DSCAM: variants seen among roughly 807,000 people sequenced by gnomAD.
DSCAM encodes the protein cell adhesion molecule DSCAM.
In DSCAM, 47 loss-of-function variants were observed where a neutral mutation model predicts 217.7. The observed-to-expected ratio is 0.22, with a 90% CI of 0.17 to 0.28. DSCAM has a LOEUF of 0.28. Ranked by LOEUF, DSCAM falls within the 10% of genes least tolerant of loss-of-function variation. The pLI is 1.00. For missense variants in DSCAM, 2,080 were observed against 2,618.3 expected, an observed-to-expected ratio of 0.79 and a Z score of 4.49; for synonymous variants, 1,056 against 1,015.3, an observed-to-expected ratio of 1.04 and a Z score of -0.76.
At chr21:40,371,357 A>T (rs979338897) in intron 3 of DSCAM, among the ~76,000 whole-genome samples, 1 of 152,142 alleles carries the variant, frequency 6.6e-6, no homozygotes, top group East Asian at 1.9e-4. Flanking sequence ...TATATTTTGC[A>T]TACTTACATA....
At chr21:40,763,672 T>C (rs1434506635) in intron 1 of DSCAM, among the ~76,000 whole-genome samples, 1 of 152,222 alleles carries the variant, frequency 6.6e-6, no homozygotes, top group East Asian at 1.9e-4. Context: ...GCTGGAGGCA[T>C]CATGCTACCT....
chr21:40,282,713 G>T (rs570620603), intron 10 of DSCAM, among the ~76,000 whole-genome samples: 1 of 148,758 alleles, frequency 6.7e-6, no homozygotes, highest in African/African-American at 2.5e-5. Flanking sequence ...AAATTTACAT[G>T]AATATCCATG....
Position 40,079,998 on chromosome 21 carries a change from CCT to C in DSCAM, c.4420+152_4420+153del, listed in dbSNP as rs571557180. On this transcript the variant is annotated intron_variant, in intron 25 of 32. Coordinates refer to ENST00000400454, the MANE Select transcript of DSCAM (RefSeq NM_001389.5). ...GAACACTCTGGAAGGTCCAGCTGTC[CCT>C]CTCATTATGCCGTGGCACTGCTGAA... 1.5e-4 allele frequency among the ~76,000 whole-genome samples: 23 copies of C among 152,074 alleles called. No homozygotes were observed. The South Asian group carries it at 3.7e-3, about 25-fold the overall frequency.
In DSCAM at chr21:40,648,083, A is replaced by G. The variant is rs2089969397; in HGVS notation, c.508+44727T>C. ...GAGAAAGAAAGCAGTTGTAGTTCAC[A>G]TACTTGCAAAATTTGGAAAAGTAAA... On this transcript the variant is annotated intron_variant, in intron 3 of 32. Transcript: ENST00000400454. Among the ~76,000 whole-genome samples the G allele has an allele frequency of 2.9e-5, 4 of 137,746 alleles. No homozygotes were observed. The South Asian group carries it at 9.9e-4, about 34-fold the overall frequency. The allele number at this position is 137,746 out of a possible 152,430, so 90.4% of individuals were successfully genotyped here.
chr21:40,417,069 G>A (rs2075379022), intron 3 of DSCAM, among the ~76,000 whole-genome samples: 2 of 152,056 alleles, frequency 1.3e-5, no homozygotes, highest in Admixed American at 1.3e-4. Context: ...TAACTCTGAC[G>A]TCCATATTTG....
chr21:40,623,872 G>C (rs1406330351), intron 3 of DSCAM, among the ~76,000 whole-genome samples: 1 of 152,160 alleles, frequency 6.6e-6, no homozygotes, highest in African/African-American at 2.4e-5. Flanking sequence ...TGCTGTAAAA[G>C]CTTACCCATA....
chr21:40,389,798 C>T (rs1355411371), intron 3 of DSCAM, among the ~76,000 whole-genome samples: 1 of 152,180 alleles, frequency 6.6e-6, no homozygotes, highest in Non-Finnish European at 1.5e-5. Context: ...GGCCATGCCA[C>T]GTGTTCATGC....
At position 40,620,034 on chromosome 21, in the gene DSCAM, GAGAA is replaced by G. The variant is rs1276476550; in HGVS notation, c.508+72772_508+72775del. On this transcript the variant is annotated intron_variant, in intron 3 of 32. Transcript: ENST00000400454. The stretch of plus-strand genomic sequence containing the variant: ...AAAAAGAAAAAGAAAGAAAGAGAGA[GAGAA>G]AGAGAGAGAAAAAAGAAAAAGAAAG... 2.6e-3 allele frequency among the ~76,000 whole-genome samples: 283 copies of G among 108,186 alleles called. 19 individuals carry two copies. The highest frequency in any genetic ancestry group is 0.01 in the African/African-American group (269 of 26,818). The allele number at this position is 108,186 out of a possible 152,430, so 71.0% of individuals were successfully genotyped here. A position where few individuals can be genotyped will look rare whatever the true frequency, so the allele number is the denominator to read the frequency against.
At chr21:40,487,881 A>C (rs1325402898) in intron 3 of DSCAM, among the ~76,000 whole-genome samples, 1 of 152,220 alleles carries the variant, frequency 6.6e-6, no homozygotes, top group South Asian at 2.1e-4. Flanking sequence ...TGTAGCCAGC[A>C]TAGTGAAGAG....
At chr21:40,255,592 TG>T (rs1444146166) in intron 11 of DSCAM, among the ~76,000 whole-genome samples, 2 of 152,234 alleles carry the variant, frequency 1.3e-5, no homozygotes, top group Non-Finnish European at 2.9e-5. Flanking sequence ...AGACATCGCA[TG>T]GGACTTTAAA....
chr21:40,719,750 T>C (rs1294397599), intron 1 of DSCAM, among the ~76,000 whole-genome samples: 2 of 152,140 alleles, frequency 1.3e-5, no homozygotes, highest in Non-Finnish European at 2.9e-5. Context: ...GAAAAACTAA[T>C]CTATGATGTT....
rs987685870 is a variant in DSCAM, at chr21:40,758,389, C to T, written c.44-49618G>A. Among the ~76,000 whole-genome samples, 10 of 151,968 alleles carry T rather than the reference C, an allele frequency of 6.6e-5. No homozygotes were observed. In the South Asian group the frequency reaches 1.9e-3, roughly 29 times the overall value. On this transcript the variant is annotated intron_variant, in intron 1 of 32. Coordinates refer to ENST00000400454, the MANE Select transcript of DSCAM (RefSeq NM_001389.5). ...AATAAAGACCTAAAACTGTGGCAGG[C>T]GCCTGTAGTCCCAGCTACTTGGGAG... is the stretch of plus-strand genomic sequence containing the variant.
chr21:40,643,931 C>T (rs933568820), intron 3 of DSCAM, among the ~76,000 whole-genome samples: 8 of 152,330 alleles, frequency 5.3e-5, no homozygotes, highest in South Asian at 2.1e-4. Context: ...GATTTTGTTA[C>T]GGCAGCCTGA....
intron 3 of DSCAM, among the ~76,000 whole-genome samples, chr21:40,560,182 A>G (rs1275208593): frequency 6.6e-6 from 1 of 152,166 alleles, no homozygotes; most frequent in East Asian, 1.9e-4. Context: ...GTAGGAGCAG[A>G]GAGGCAGCAT....
chr21:40,626,722 A>G (rs974125173), intron 3 of DSCAM, among the ~76,000 whole-genome samples: 1 of 152,342 alleles, frequency 6.6e-6, no homozygotes, highest in Non-Finnish European at 1.5e-5. Context: ...AAAATAGAAT[A>G]TAAGCTTCTT....
chr21:40,093,551 A>G (rs1257372159), intron 21 of DSCAM, among the ~76,000 whole-genome samples, 170 bp downstream of exon 21: 2 of 152,196 alleles, frequency 1.3e-5, no homozygotes, highest in Non-Finnish European at 2.9e-5. Context: ...TTACTTTTCC[A>G]TGGGACAGAA....
At chr21:40,313,255 T>C (rs1459411475) in intron 8 of DSCAM, among the ~76,000 whole-genome samples, 1 of 152,252 alleles carries the variant, frequency 6.6e-6, no homozygotes, top group Non-Finnish European at 1.5e-5. Context: ...TTGCATCTCT[T>C]AGTTTTGCAC....
intron 1 of DSCAM, among the ~76,000 whole-genome samples, chr21:40,764,298 A>C (rs1196195972): frequency 6.6e-6 from 1 of 150,992 alleles, no homozygotes; most frequent in Non-Finnish European, 1.5e-5. Context: ...ATTAGCAGAC[A>C]CTTCTCAAAA....
At chr21:40,547,649 C>A (rs1468022853) in intron 3 of DSCAM, among the ~76,000 whole-genome samples, 1 of 152,074 alleles carries the variant, frequency 6.6e-6, no homozygotes, top group Non-Finnish European at 1.5e-5. Context: ...TACAAAGACA[C>A]CGGTGGAATC....
Sources: gnomAD v4.1 joint callset for allele counts (sites outside exome capture counted in the v4.1 genomes callset) on GRCh38, gnomAD v4.1.1 for gene constraint, MANE v1.5 for transcripts, NCBI Gene and HGNC (gene_info 2026-07-23, HGNC 2026-07-21) for gene names.